GNG7: variants seen among roughly 807,000 people sequenced by gnomAD.
The protein encoded by GNG7 is guanine nucleotide-binding protein G(I)/G(S)/G(O) subunit gamma-7.
A neutral mutation model predicts 4.0 loss-of-function variants in GNG7; 1 was observed. That is an observed-to-expected ratio of 0.25 (90% CI 0.09 to 1.18). The LOEUF is 1.18. Ranked by LOEUF, GNG7 falls within the 50% of genes most tolerant of loss-of-function variation. The pLI, the probability that GNG7 is intolerant of heterozygous loss-of-function variation, is 0.50. For missense variants in GNG7, 86 were observed against 91.9 expected (o/e 0.94, Z 0.26); for synonymous variants, 34 against 36.9 (o/e 0.92, Z 0.29).
chr19:2,568,369 A>G (rs1980008230), intron 2 of GNG7, among the ~76,000 whole-genome samples: 1 of 151,252 alleles, frequency 6.6e-6, no homozygotes, highest in Admixed American at 6.6e-5. Context: ...GCACATACAC[A>G]CATATAGACA....
Position 2,626,537 on chromosome 19 carries a change from C to T in GNG7, c.-78+19687G>A, listed in dbSNP as rs1048765492. On this transcript the variant is annotated intron_variant, in intron 2 of 4. Transcript: ENST00000382159. The surrounding 1 kb of genome is among the most constrained non-coding windows in gnomAD (Gnocchi z 5.0). ...TGGAACCATCTCTGCACCTGTATCC[C>T]CCACCCCACCTGTCACCTTCAGGGC... Among the ~76,000 whole-genome samples, 3 of 152,158 alleles carry T rather than the reference C, an allele frequency of 2.0e-5. No individual in the cohort carries two copies. Among genetic ancestry groups the T allele is most frequent in the Admixed American group, 2.0e-4 (3 of 15,266 alleles).
At chr19:2,590,635 ATCCG>A in intron 2 of GNG7, among the ~76,000 whole-genome samples, 1 of 138,346 alleles carries the variant, frequency 7.2e-6, no homozygotes, top group East Asian at 2.2e-4. Flanking sequence ...TCATCCATCC[ATCCG>A]TCCACCCACC....
intron 1 of GNG7, among the ~76,000 whole-genome samples, chr19:2,663,074 G>C (rs2144881087): frequency 6.6e-6 from 1 of 152,294 alleles, no homozygotes; most frequent in South Asian, 2.1e-4. Flanking sequence ...GTAAATGCTT[G>C]CTGTTTAAGC....
At chr19:2,522,456 C>T (rs894473567) in intron 3 of GNG7, among the ~76,000 whole-genome samples, 38 of 152,124 alleles carry the variant, frequency 2.5e-4, no homozygotes, top group African/African-American at 9.2e-4. Context: ...CCAGAGTTCT[C>T]AAAAAATGCC....
intron 3 of GNG7, among the ~76,000 whole-genome samples, chr19:2,526,224 CCTCCCAGA>C (rs1978390846): frequency 6.6e-5 from 10 of 151,760 alleles, no homozygotes; most frequent in Admixed American, 2.6e-4. Context: ...CCTGCCTCGG[CCTCCCAGA>C]GTGCTGGGAT....
At chr19:2,519,490 G>A (rs1210915006) in intron 4 of GNG7, among the ~76,000 whole-genome samples, 3 of 151,256 alleles carry the variant, frequency 2.0e-5, no homozygotes, top group Non-Finnish European at 4.4e-5. Flanking sequence ...GTCTTGCTAT[G>A]TTGTTGCCCA....
rs182899935 is a variant in GNG7 at position 2,553,710 on chromosome 19, A to G, written c.-38+1439T>C. Among the ~76,000 whole-genome samples the G allele has an allele frequency of 4.6e-5, 6 of 130,822 alleles. No homozygotes were observed. The East Asian group carries it at 9.8e-4, about 21-fold the overall frequency. 85.8% of individuals were successfully genotyped at this position (130,822 alleles called of 152,430 possible). On this transcript the variant is annotated intron_variant, in intron 3 of 4. Coordinates refer to ENST00000382159, the MANE Select transcript of GNG7 (RefSeq NM_052847.3). ...TTACACACATGTGCACATTACATATAATATATTACATATATGTACATATTA... is the reference window on the plus strand; with the variant it reads ...TTACACACATGTGCACATTACATATGATATATTACATATATGTACATATTA...
Position 2,617,771 on chromosome 19 carries a change from T to A in GNG7, c.-78+28453A>T, listed in dbSNP as rs1051926978. Among the ~76,000 whole-genome samples the A allele has an allele frequency of 6.6e-6, 1 of 151,610 alleles. No homozygotes were observed. Among genetic ancestry groups the A allele is most frequent in the African/African-American group, 2.4e-5 (1 of 41,164 alleles). Reference sequence around the variant, plus strand: ...TCTTGCTCTGTTGCCCAGGCTGGAGTGCAGTGGTGCAGTCACAGCTCACCG... The same window carrying A: ...TCTTGCTCTGTTGCCCAGGCTGGAGAGCAGTGGTGCAGTCACAGCTCACCG... On this transcript the variant is annotated intron_variant, in intron 2 of 4. Transcript: ENST00000382159. The surrounding 1 kb of genome is among the most constrained non-coding windows in gnomAD (Gnocchi z 4.7).
chr19:2,589,371 CTTTTTTT>C lies in GNG7; in HGVS notation c.-77-34190_-77-34184del, dbSNP rs33940288. Reference sequence around the variant, plus strand: ...CCAGGTAGCTGGGACTACAGGTGCACTTTTTTTTTTTTTTTTTTTTTTTTAAATAGCA... The same window carrying C: ...CCAGGTAGCTGGGACTACAGGTGCACTTTTTTTTTTTTTTTTTAAATAGCA... On this transcript the variant is annotated intron_variant, in intron 2 of 4. Coordinates refer to ENST00000382159, the MANE Select transcript of GNG7 (RefSeq NM_052847.3). Among the ~76,000 whole-genome samples the C allele has an allele frequency of 1.1e-3, 114 of 100,576 alleles. 1 individual carries two copies. The highest frequency in any genetic ancestry group is 6.9e-3 in the Middle Eastern group (1 of 144). The allele number at this position is 100,576 out of a possible 152,430, so 66.0% of individuals were successfully genotyped here. A position where few individuals can be genotyped will look rare whatever the true frequency, so the allele number is the denominator to read the frequency against.
chr19:2,531,776 A>ACCCCC (rs1568233572), intron 3 of GNG7, among the ~76,000 whole-genome samples: 18 of 150,622 alleles, frequency 1.2e-4, no homozygotes, highest in Admixed American at 4.0e-4. Context: ...GTCCCAAAAA[A>ACCCCC]AAAAAAAAAT....
chr19:2,585,779 T>G (rs1199165556), intron 2 of GNG7, among the ~76,000 whole-genome samples: 5 of 152,106 alleles, frequency 3.3e-5, no homozygotes, highest in Non-Finnish European at 7.4e-5. Context: ...CGGCTCACTG[T>G]AACCTCCGCC....
chr19:2,544,314 C>T (rs1270749421), intron 3 of GNG7, among the ~76,000 whole-genome samples: 1 of 152,164 alleles, frequency 6.6e-6, no homozygotes, highest in African/African-American at 2.4e-5. Flanking sequence ...GAGCTGTGTC[C>T]CTGGGCACCT....
In GNG7 at chr19:2,589,513, C is replaced by A. The variant is rs1292852967; in HGVS notation, c.-77-34325G>T. ...GAGATCACAGGCATGAGCCACCATG[C>A]CTGGCCTCCCAGATGTCATTTCTTG... On this transcript the variant is annotated intron_variant, in intron 2 of 4. Coordinates refer to ENST00000382159, the MANE Select transcript of GNG7 (RefSeq NM_052847.3). Among the ~76,000 whole-genome samples, 3 of 151,366 alleles carry A rather than the reference C, an allele frequency of 2.0e-5. No homozygotes were observed. The East Asian group carries it at 5.8e-4, about 29-fold the overall frequency.
intron 3 of GNG7, among the ~76,000 whole-genome samples, chr19:2,527,880 A>C (rs1978460492): frequency 6.6e-6 from 1 of 151,776 alleles, no homozygotes; most frequent in Non-Finnish European, 1.5e-5. Context: ...GAACTCCCTT[A>C]TCAGGAGAAA....
chr19:2,655,791 A>G (rs1009117316), intron 1 of GNG7, among the ~76,000 whole-genome samples: 5 of 145,380 alleles, frequency 3.4e-5, no homozygotes, highest in African/African-American at 1.3e-4. Flanking sequence ...GTGAGTCGAG[A>G]TCGCGCCACT....
chr19:2,537,000 G>A (rs1278375136), intron 3 of GNG7, among the ~76,000 whole-genome samples: 3 of 150,702 alleles, frequency 2.0e-5, no homozygotes, highest in African/African-American at 7.3e-5. Context: ...AGGCTGGAGT[G>A]CAGTGGTGTG....
intron 3 of GNG7, among the ~76,000 whole-genome samples, chr19:2,551,029 C>T (rs577009879): frequency 1.3e-5 from 2 of 152,330 alleles, no homozygotes; most frequent in East Asian, 3.9e-4. Flanking sequence ...AGCATAGGGA[C>T]CTAATCCCCA....
intron 4 of GNG7, among the ~76,000 whole-genome samples, chr19:2,519,211 T>C (rs1978295963): frequency 7.3e-6 from 1 of 136,736 alleles, no homozygotes; most frequent in Admixed American, 8.1e-5. Flanking sequence ...AGTGCAATGG[T>C]GCGATCTCGG....
chr19:2,671,368 G>C (rs1983447590), intron 1 of GNG7, among the ~76,000 whole-genome samples: 1 of 152,042 alleles, frequency 6.6e-6, no homozygotes, highest in Non-Finnish European at 1.5e-5. Flanking sequence ...TCTGAGCCTC[G>C]ACCTGGCCAG....
Sources: gnomAD v4.1 joint callset for allele counts (sites outside exome capture counted in the v4.1 genomes callset) on GRCh38, gnomAD v4.1.1 for gene constraint, Gnocchi (gnomAD v3.1) non-coding constraint, MANE v1.5 for transcripts, NCBI Gene and HGNC (gene_info 2026-07-23, HGNC 2026-07-21) for gene names.